GRM5: variants seen among roughly 807,000 people sequenced by gnomAD.
The protein encoded by GRM5 is metabotropic glutamate receptor 5.
In GRM5, 19 loss-of-function variants were observed where a neutral mutation model predicts 83.1. The ratio of observed to expected loss-of-function variants is 0.23; its 90% confidence interval spans 0.16 to 0.34. The LOEUF (loss-of-function observed/expected upper bound fraction) is 0.34. Among genes scored for constraint, GRM5 ranks in the 10% least tolerant of loss-of-function variants. The pLI is 1.00. For synonymous variants in GRM5, 675 were observed against 633.6 expected (o/e 1.07, Z -0.98); for missense variants, 1,160 against 1,588.3 (o/e 0.73, Z 4.58).
chr11:88,937,194 CAT>C (rs560196847), intron 2 of GRM5, among the ~76,000 whole-genome samples: 23 of 151,826 alleles, frequency 1.5e-4, no homozygotes, highest in African/African-American at 5.5e-4. Context: ...TTGACCTTAA[CAT>C]GTGGAAATGT....
Position 88,781,850 on chromosome 11 carries a change from CAGA to C in GRM5, c.911+68053_911+68055del, listed in dbSNP as rs1942982043. 2.6e-5 allele frequency among the ~76,000 whole-genome samples: 4 copies of C among 152,272 alleles called. No individual in the cohort carries two copies. In the South Asian group the frequency reaches 8.3e-4, roughly 32 times the overall value. ...AACAAAGCTGAGATCCCATGCTGAG[CAGA>C]AGAATTACAAGCAATGGGGCTGCCC... is the stretch of plus-strand genomic sequence containing the variant. On this transcript the variant is annotated intron_variant, in intron 3 of 9. Coordinates refer to ENST00000305447, the MANE Select transcript of GRM5 (RefSeq NM_001143831.3).
chr11:88,810,817 C>A (rs1943577036), intron 3 of GRM5, among the ~76,000 whole-genome samples: 1 of 152,048 alleles, frequency 6.6e-6, no homozygotes, highest in Admixed American at 6.6e-5. Context: ...TATTTATTGC[C>A]ATCTATGTCC....
At chr11:88,731,273 C>T (rs1941801123) in intron 3 of GRM5, among the ~76,000 whole-genome samples, 1 of 152,052 alleles carries the variant, frequency 6.6e-6, no homozygotes, top group Non-Finnish European at 1.5e-5. Context: ...TAATGTTAAA[C>T]TGCTTCCTAA....
chr11:88,587,410 A>G (rs1330414432), intron 7 of GRM5, among the ~76,000 whole-genome samples: 1 of 152,172 alleles, frequency 6.6e-6, no homozygotes, highest in Non-Finnish European at 1.5e-5. Context: ...TGACAACAGA[A>G]TGTAAAATGA....
intron 3 of GRM5, among the ~76,000 whole-genome samples, chr11:88,682,418 G>GA (rs200049318): frequency 0.018 from 2,742 of 152,104 alleles, 92 homozygotes; most frequent in African/African-American, 0.062. Flanking sequence ...ATTCAAACCA[G>GA]AAAAAAGCAA....
At chr11:88,539,765 C>T (rs1175354744) in intron 8 of GRM5, among the ~76,000 whole-genome samples, 1 of 152,200 alleles carries the variant, frequency 6.6e-6, no homozygotes, top group African/African-American at 2.4e-5. Context: ...CTCCCACATA[C>T]CCTAATTTAC....
intron 7 of GRM5, among the ~76,000 whole-genome samples, chr11:88,568,949 G>A (rs1942928963): frequency 6.6e-6 from 1 of 152,128 alleles, no homozygotes; most frequent in Non-Finnish European, 1.5e-5. Flanking sequence ...TTATGATATG[G>A]AGTTTTTAAA....
At chr11:88,885,861 T>C (rs1426992905) in intron 2 of GRM5, among the ~76,000 whole-genome samples, 1 of 152,030 alleles carries the variant, frequency 6.6e-6, no homozygotes, top group Non-Finnish European at 1.5e-5. Flanking sequence ...CTTGCACAGG[T>C]GAATGTTGGC....
intron 2 of GRM5, among the ~76,000 whole-genome samples, chr11:88,924,117 G>T (rs1337273393): frequency 1.5e-5 from 2 of 131,966 alleles, no homozygotes; most frequent in Non-Finnish European, 3.2e-5. Context: ...CCTCACACCT[G>T]TTAGTATAGC....
intron 2 of GRM5, among the ~76,000 whole-genome samples, chr11:88,852,974 A>G (rs1410061621): frequency 6.6e-6 from 1 of 152,176 alleles, no homozygotes; most frequent in Non-Finnish European, 1.5e-5. Context: ...AGAATGAGGA[A>G]AAAGCTAAGG....
chr11:88,949,749 A>G (rs916385124), intron 2 of GRM5, among the ~76,000 whole-genome samples: 3 of 152,222 alleles, frequency 2.0e-5, no homozygotes, highest in Admixed American at 2.0e-4. Flanking sequence ...TACTCATTGC[A>G]ATATTTTTAA....
chr11:88,513,959 T>C (rs1192085269), intron 9 of GRM5, among the ~76,000 whole-genome samples: 2 of 152,090 alleles, frequency 1.3e-5, no homozygotes, highest in Non-Finnish European at 2.9e-5. Flanking sequence ...CCATGTTATA[T>C]GTTTGTCCTT....
chr11:88,889,658 G>T (rs1242397168), intron 2 of GRM5, among the ~76,000 whole-genome samples: 1 of 152,058 alleles, frequency 6.6e-6, no homozygotes, highest in Admixed American at 6.6e-5. Context: ...TATTTAAAAG[G>T]CCTTTATATT....
chr11:89,030,665 A>G (rs1941240449), intron 2 of GRM5, among the ~76,000 whole-genome samples: 1 of 152,154 alleles, frequency 6.6e-6, no homozygotes, highest in African/African-American at 2.4e-5. Flanking sequence ...CTCTTTAAAA[A>G]TATATAAAAA....
At chr11:88,871,679 A>C (rs1359978550) in intron 2 of GRM5, among the ~76,000 whole-genome samples, 1 of 151,576 alleles carries the variant, frequency 6.6e-6, no homozygotes, top group East Asian at 1.9e-4. Context: ...CCACATTAGC[A>C]AGGAAGACCC....
chr11:88,778,400 T>G (rs1295219910), intron 3 of GRM5, among the ~76,000 whole-genome samples: 1 of 152,198 alleles, frequency 6.6e-6, no homozygotes, highest in Non-Finnish European at 1.5e-5. Context: ...CCCAACCCCT[T>G]GCGCTTCCCA....
intron 2 of GRM5, among the ~76,000 whole-genome samples, chr11:89,019,577 T>A (rs1300131086): frequency 6.8e-6 from 1 of 147,474 alleles, no homozygotes; most frequent in Non-Finnish European, 1.5e-5. Context: ...TGGTGGTGGG[T>A]GCCTGTAATC....
Position 89,047,759 on chromosome 11 carries a change from T to G in GRM5, c.114A>C (p.Gly38=). The G allele has an allele frequency of 6.2e-7, 1 of 1,613,960 alleles. No individual in the cohort carries two copies. Among genetic ancestry groups the G allele is most frequent in the Non-Finnish European group, 8.5e-7 (1 of 1,179,992 alleles). ...VAHMPGDIII[G]ALFSVHHQPT... Reference sequence around the variant, plus strand: ...GCTGGTGATGAACAGAAAAGAGAGCTCCAATAATGATGTCACCCGGCATGT... The same window carrying G: ...GCTGGTGATGAACAGAAAAGAGAGCGCCAATAATGATGTCACCCGGCATGT... Residue 38 remains glycine, a synonymous_variant, in exon 2 of 10, where the codon GGA becomes GGC. Coordinates refer to ENST00000305447, the MANE Select transcript of GRM5 (RefSeq NM_001143831.3). The surrounding 1 kb of genome is among the most constrained non-coding windows in gnomAD (Gnocchi z 5.1).
At chr11:88,629,595 C>T (rs1938906084) in intron 4 of GRM5, among the ~76,000 whole-genome samples, 1 of 152,106 alleles carries the variant, frequency 6.6e-6, no homozygotes, top group Non-Finnish European at 1.5e-5. Flanking sequence ...TTTCCTCAGG[C>T]TATTCTCTCT....
Sources: allele counts gnomAD v4.1 joint callset (sites outside exome capture counted in the v4.1 genomes callset), GRCh38; gene constraint gnomAD v4.1.1; non-coding constraint Gnocchi (gnomAD v3.1); transcripts MANE v1.5; gene names NCBI Gene and HGNC (gene_info 2026-07-23, HGNC 2026-07-21).